AGBL4: variants seen among roughly 807,000 people sequenced by gnomAD.
The protein encoded by AGBL4 is cytosolic carboxypeptidase 6.
In AGBL4, 58 loss-of-function variants were observed where a neutral mutation model predicts 66.4. That is an observed-to-expected ratio of 0.87 (90% confidence interval 0.71 to 1.09). The LOEUF (loss-of-function observed/expected upper bound fraction) is 1.09. Among genes scored for constraint, AGBL4 ranks in the 50% least tolerant of loss-of-function variants. The pLI is 0.00. For synonymous variants in AGBL4, 234 were observed against 222.9 expected (o/e 1.05, Z -0.44); for missense variants, 579 against 631.0 (o/e 0.92, Z 0.88).
chr1:48,752,836 G>A (rs1651959919), intron 6 of AGBL4, among the ~76,000 whole-genome samples: 1 of 151,992 alleles, frequency 6.6e-6, no homozygotes, highest in Non-Finnish European at 1.5e-5. Flanking sequence ...TGCAACCTCT[G>A]CTTCCCGGGT....
chr1:49,345,421 A>G (rs1645617186), intron 3 of AGBL4, among the ~76,000 whole-genome samples: 1 of 152,156 alleles, frequency 6.6e-6, no homozygotes, highest in Non-Finnish European at 1.5e-5. Flanking sequence ...ATAATCAGCT[A>G]GAGGACTTTG....
In AGBL4 at chr1:49,722,824, C is replaced by T. The variant is rs538879792; in HGVS notation, c.158-25387G>A. Among the ~76,000 whole-genome samples the T allele has an allele frequency of 6.6e-5, 10 of 152,234 alleles. No homozygotes were observed. In the South Asian group the frequency reaches 1.2e-3, roughly 19 times the overall value. Reference sequence around the variant, plus strand: ...TCCGTTTCCAATGAATCTTCTCTCACTCAGTCTGTAGTAACTGAGAAAGAA... The same window carrying T: ...TCCGTTTCCAATGAATCTTCTCTCATTCAGTCTGTAGTAACTGAGAAAGAA... On this transcript the variant is annotated intron_variant, in intron 2 of 13. Transcript: ENST00000371839.
Position 48,685,917 on chromosome 1 carries a change from A to C in AGBL4, c.635-22676T>G, listed in dbSNP as rs546719848. ...GTTGTGGAGCAGCATCTTAGAATCT[A>C]CTAAGCTCTGTCATGCATCATTTGC... On this transcript the variant is annotated intron_variant, in intron 6 of 13. Transcript: ENST00000371839. 2.6e-5 allele frequency among the ~76,000 whole-genome samples: 4 copies of C among 152,344 alleles called. No individual in the cohort carries two copies. The East Asian group carries it at 7.7e-4, about 29-fold the overall frequency.
chr1:49,374,743 T>C (rs960151837), intron 3 of AGBL4, among the ~76,000 whole-genome samples: 1 of 152,156 alleles, frequency 6.6e-6, no homozygotes, highest in Non-Finnish European at 1.5e-5. Context: ...CCTAGTTCTA[T>C]ACTCACTGCC....
chr1:49,544,157 T>C (rs1025944407), intron 3 of AGBL4, among the ~76,000 whole-genome samples: 1 of 152,184 alleles, frequency 6.6e-6, no homozygotes, highest in Non-Finnish European at 1.5e-5. Context: ...GGAACTGTGC[T>C]CAATGTCCTC....
intron 8 of AGBL4, among the ~76,000 whole-genome samples, chr1:48,636,241 A>G (rs1645665923): frequency 6.6e-6 from 1 of 152,212 alleles, no homozygotes; most frequent in Admixed American, 6.5e-5. Context: ...GAAAAAAGGA[A>G]CATCACCTTC....
chr1:48,621,183 G>A (rs1347955825), intron 9 of AGBL4, among the ~76,000 whole-genome samples: 1 of 152,176 alleles, frequency 6.6e-6, no homozygotes, highest in Non-Finnish European at 1.5e-5. Context: ...TTAGGAGCCT[G>A]AATATGGGGA....
At chr1:49,011,937 C>G (rs1379356005) in intron 5 of AGBL4, among the ~76,000 whole-genome samples, 3 of 150,404 alleles carry the variant, frequency 2.0e-5, no homozygotes, top group Non-Finnish European at 3.0e-5. Flanking sequence ...TGCTAGATGA[C>G]AAGTTAGTGG....
At chr1:49,703,821 T>C (rs1390365697) in intron 2 of AGBL4, among the ~76,000 whole-genome samples, 1 of 152,032 alleles carries the variant, frequency 6.6e-6, no homozygotes, top group Admixed American at 6.6e-5. Flanking sequence ...TAGATTTTTC[T>C]ATGTAAAGAA....
At chr1:48,949,680 C>T (rs1656807267) in intron 5 of AGBL4, among the ~76,000 whole-genome samples, 1 of 152,208 alleles carries the variant, frequency 6.6e-6, no homozygotes, top group African/African-American at 2.4e-5. Context: ...CCTCTTCCCA[C>T]TTCAACCTTG....
chr1:48,641,688 C>T (rs1056581549), intron 8 of AGBL4, among the ~76,000 whole-genome samples: 1 of 152,166 alleles, frequency 6.6e-6, no homozygotes, highest in African/African-American at 2.4e-5. Context: ...ACACAGCTGA[C>T]TCTCAGTTGA....
intron 4 of AGBL4, among the ~76,000 whole-genome samples, chr1:49,048,847 G>A (rs1644144303): frequency 6.6e-6 from 1 of 151,676 alleles, no homozygotes; most frequent in Admixed American, 6.6e-5. Context: ...TCAGTGAGCA[G>A]CAGATCCTGT....
chr1:49,020,054 A>G (rs1212282382), intron 5 of AGBL4, among the ~76,000 whole-genome samples: 1 of 152,212 alleles, frequency 6.6e-6, no homozygotes, highest in Non-Finnish European at 1.5e-5. Context: ...TATTTTGCAA[A>G]TGTGCAGATG....
chr1:48,926,244 ATTATT>A (rs138261010), intron 5 of AGBL4, among the ~76,000 whole-genome samples: 13,907 of 142,256 alleles, frequency 0.098, 840 homozygotes, highest in East Asian at 0.28. Flanking sequence ...ATGACCATGA[ATTATT>A]TTATTTTATT....
chr1:49,741,266 T>C (rs952681640), intron 2 of AGBL4, among the ~76,000 whole-genome samples: 1 of 152,134 alleles, frequency 6.6e-6, no homozygotes, highest in Admixed American at 6.5e-5. Flanking sequence ...GAGAATACTA[T>C]AAACACCTCT....
At chr1:49,569,784 T>A (rs1004670608) in intron 3 of AGBL4, among the ~76,000 whole-genome samples, 1 of 152,130 alleles carries the variant, frequency 6.6e-6, no homozygotes, top group South Asian at 2.1e-4. Context: ...CCACTCTCTA[T>A]ATCCATATGT....
intron 2 of AGBL4, among the ~76,000 whole-genome samples, chr1:49,781,124 G>A (rs59888128): frequency 0.017 from 2,653 of 152,110 alleles, 74 homozygotes; most frequent in African/African-American, 0.051. Flanking sequence ...GAGTGATGGC[G>A]CACACCTAAA....
chr1:48,684,580 G>A (rs1053644671), intron 6 of AGBL4, among the ~76,000 whole-genome samples: 4 of 152,152 alleles, frequency 2.6e-5, no homozygotes, highest in African/African-American at 4.8e-5. Context: ...TTGGAAGCCC[G>A]GAAGAAGGAG....
intron 4 of AGBL4, among the ~76,000 whole-genome samples, chr1:49,203,662 G>A (rs1469707141): frequency 6.6e-6 from 1 of 152,114 alleles, no homozygotes; most frequent in Non-Finnish European, 1.5e-5. Flanking sequence ...CAGTTGGCTG[G>A]GCATGGTGGC....
Sources: allele counts gnomAD v4.1 joint callset (sites outside exome capture counted in the v4.1 genomes callset), GRCh38; gene constraint gnomAD v4.1.1; transcripts MANE v1.5; gene names NCBI Gene and HGNC (gene_info 2026-07-23, HGNC 2026-07-21).